The following LINGO2 variants were observed in gnomAD, a reference collection of about 807,000 sequenced individuals.
LINGO2 encodes the protein leucine rich repeat and Ig domain containing 2.
Under a neutral mutation model 30.6 loss-of-function variants are expected in LINGO2, and 14 were observed. The ratio of observed to expected loss-of-function variants is 0.46; its 90% CI spans 0.30 to 0.72. The LOEUF is 0.72. Ranked by LOEUF, LINGO2 falls within the 30% of genes least tolerant of loss-of-function variation. LINGO2 has a pLI of 0.07. For missense variants in LINGO2, 729 were observed against 751.7 expected (o/e 0.97, Z 0.35); for synonymous variants, 317 against 288.5 (o/e 1.10, Z -1.00).
intron 4 of LINGO2, among the ~76,000 whole-genome samples, chr9:28,111,420 A>G (rs1352029980): frequency 6.6e-6 from 1 of 152,054 alleles, no homozygotes; most frequent in African/African-American, 2.4e-5. Context: ...TAAAAAAAAA[A>G]GGAAAACGAA....
intron 4 of LINGO2, among the ~76,000 whole-genome samples, chr9:28,049,608 ATTC>A (rs1174240207): frequency 5.3e-5 from 8 of 150,764 alleles, no homozygotes; most frequent in Non-Finnish European, 7.4e-5. Flanking sequence ...TTAGCTTATT[ATTC>A]AAATCTTATC....
At chr9:28,712,242 C>T in the LINGO2 span, among the ~76,000 whole-genome samples, 17 of 152,142 alleles carry the variant, frequency 1.1e-4, no homozygotes, top group African/African-American at 2.6e-4. Context: ...GAGAAATAAA[C>T]GTTTTTGACC....
intron 4 of LINGO2, among the ~76,000 whole-genome samples, chr9:28,027,863 T>TA (rs775200312): frequency 2.6e-5 from 4 of 152,140 alleles, no homozygotes; most frequent in Non-Finnish European, 4.4e-5. Flanking sequence ...TTAGCTGCCA[T>TA]AAATTTTTGC....
In LINGO2 at chr9:28,052,027, T is replaced by C. The variant is rs114482872; in HGVS notation, c.-86-39622A>G. ...TCATTATACAGTTGGGGCTGTCTCT[T>C]GCACTATGCTCTCTGCGTTCTTATC... On this transcript the variant is annotated intron_variant, in intron 4 of 5. Coordinates refer to ENST00000379992, the Ensembl canonical transcript of LINGO2. Among the ~76,000 whole-genome samples the C allele has an allele frequency of 9.5e-3, 1,445 of 152,158 alleles. 28 individuals carry two copies. The highest frequency in any genetic ancestry group is 0.034 in the African/African-American group (1,393 of 41,526).
chr9:28,992,356 A>T, the LINGO2 span, among the ~76,000 whole-genome samples: 1 of 152,176 alleles, frequency 6.6e-6, no homozygotes, highest in South Asian at 2.1e-4. Context: ...GAGCACCCAA[A>T]TTCATAAAGC....
rs775643391 is a variant in LINGO2 at position 28,035,891 on chromosome 9, CAA to C, written c.-86-23488_-86-23487del. 6.0e-3 allele frequency among the ~76,000 whole-genome samples: 340 copies of C among 57,024 alleles called. 1 individual carries two copies. Among genetic ancestry groups the C allele is most frequent in the Non-Finnish European group, 0.01 (221 of 21,936 alleles). The allele number at this position is 57,024 out of a possible 152,430, so 37.4% of individuals were successfully genotyped here. ...GAAATGATAGCAGAACACACACACA[CAA>C]ACACACACACACACACACACACATG... On this transcript the variant is annotated intron_variant, in intron 4 of 5. Coordinates refer to ENST00000379992, the Ensembl canonical transcript of LINGO2.
At chr9:29,043,814 A>G in the LINGO2 span, among the ~76,000 whole-genome samples, 2 of 152,064 alleles carry the variant, frequency 1.3e-5, no homozygotes, top group Non-Finnish European at 2.9e-5. Context: ...AATATATCAC[A>G]TGATGTATAT....
At chr9:28,007,373 A>G (rs989902617) in intron 5 of LINGO2, among the ~76,000 whole-genome samples, 4 of 152,178 alleles carry the variant, frequency 2.6e-5, no homozygotes, top group Non-Finnish European at 5.9e-5. Context: ...AGCGCTACGC[A>G]TGATGAAAAC....
In LINGO2 at chr9:28,210,791, A is replaced by G. The variant is rs541696821; in HGVS notation, c.-87+84417T>C. On this transcript the variant is annotated intron_variant, in intron 4 of 5. Coordinates refer to ENST00000379992, the Ensembl canonical transcript of LINGO2. ...TGAGTATTTTGTGATATTTGGAGAA[A>G]TATTATATTTTTATTTTTTTCATGA... Among the ~76,000 whole-genome samples, 3 of 148,514 alleles carry G rather than the reference A, an allele frequency of 2.0e-5. No individual in the cohort carries two copies. The South Asian group carries it at 6.3e-4, about 31-fold the overall frequency.
chr9:28,135,351 A>G (rs544462787), intron 4 of LINGO2, among the ~76,000 whole-genome samples: 5 of 152,292 alleles, frequency 3.3e-5, no homozygotes, highest in African/African-American at 1.2e-4. Flanking sequence ...AAGAGAAGAG[A>G]AAATAAAATG....
chr9:28,650,395 T>C (rs916789779), intron 1 of LINGO2, among the ~76,000 whole-genome samples: 1 of 152,162 alleles, frequency 6.6e-6, no homozygotes, highest in Non-Finnish European at 1.5e-5. Flanking sequence ...GTGCTGGTTC[T>C]ATGGCACCAG....
rs879098967 is a variant in LINGO2 at position 27,958,760 on chromosome 9, C to T, written c.-35-8054G>A. 2.7e-5 allele frequency among the ~76,000 whole-genome samples: 4 copies of T among 149,290 alleles called. 1 individual carries two copies. Among genetic ancestry groups the T allele is most frequent in the Admixed American group, 2.6e-4 (4 of 15,236 alleles). On this transcript the variant is annotated intron_variant, in intron 5 of 5. Transcript: ENST00000379992. ...CACCAGGGAACTTGGAACGTATACCCTGTGGTTAAGGGGGGACTACTGCAA... is the reference window on the plus strand; with the variant it reads ...CACCAGGGAACTTGGAACGTATACCTTGTGGTTAAGGGGGGACTACTGCAA...
chr9:29,113,964 A>C, the LINGO2 span, among the ~76,000 whole-genome samples: 7 of 87,608 alleles, frequency 8.0e-5, no homozygotes, highest in Non-Finnish European at 1.5e-4. Context: ...AGCTTTAGGA[A>C]AAAAAAAAAA....
the LINGO2 span, among the ~76,000 whole-genome samples, chr9:28,724,770 A>C: frequency 6.6e-6 from 1 of 152,242 alleles, no homozygotes; most frequent in South Asian, 2.1e-4. Flanking sequence ...CTCTAACCCA[A>C]ATTTTTAAAA....
At chr9:28,050,410 C>T (rs1162315577) in intron 4 of LINGO2, among the ~76,000 whole-genome samples, 2 of 150,522 alleles carry the variant, frequency 1.3e-5, no homozygotes, top group Non-Finnish European at 1.5e-5. Context: ...TCAGATAAAT[C>T]CTAAGTAAGG....
intron 1 of LINGO2, among the ~76,000 whole-genome samples, chr9:28,636,745 C>A (rs547586136): frequency 3.3e-5 from 5 of 152,030 alleles, no homozygotes; most frequent in African/African-American, 7.2e-5. Flanking sequence ...GAGTAGATTG[C>A]GAAAATTTTC....
the LINGO2 span, among the ~76,000 whole-genome samples, chr9:28,841,822 G>T: frequency 3.3e-5 from 5 of 151,728 alleles, no homozygotes; most frequent in African/African-American, 1.2e-4. Flanking sequence ...TCAAGAAATA[G>T]TTGACAGTAT....
At chr9:28,895,361 A>C in the LINGO2 span, among the ~76,000 whole-genome samples, 1 of 152,174 alleles carries the variant, frequency 6.6e-6, no homozygotes, top group African/African-American at 2.4e-5. Context: ...GCCTGAGAAC[A>C]AAATGATCAC....
chr9:28,530,226 G>A (rs992581076), intron 1 of LINGO2, among the ~76,000 whole-genome samples: 4 of 151,824 alleles, frequency 2.6e-5, no homozygotes, highest in African/African-American at 4.8e-5. Context: ...GCACGATGAT[G>A]GTGATGATGA....
Sources: allele counts gnomAD v4.1 joint callset (sites outside exome capture counted in the v4.1 genomes callset), GRCh38; gene constraint gnomAD v4.1.1; transcripts MANE v1.5; gene names NCBI Gene and HGNC (gene_info 2026-07-23, HGNC 2026-07-21).